Variants in CNOT1 observed in about 807,000 individuals in gnomAD.
The protein encoded by CNOT1 is CCR4-associated factor 1.
A neutral mutation model predicts 273.8 loss-of-function variants in CNOT1; 15 were observed. The observed-to-expected ratio is 0.05, with a 90% CI of 0.04 to 0.08. The LOEUF is 0.08. CNOT1 is among the 10% of genes least tolerant of loss of function. The probability of loss-of-function intolerance (pLI) is 1.00; values close to 1 mark genes in which losing one functional copy is unlikely to be tolerated. For missense variants in CNOT1, 1,644 were observed against 2,912.2 expected, an observed-to-expected ratio of 0.56 and a Z score of 10.02; for synonymous variants, 1,022 against 1,005.5, an observed-to-expected ratio of 1.02 and a Z score of -0.31.
intron 24 of CNOT1, among the ~76,000 whole-genome samples, chr16:58,550,566 G>C (rs1567400995): frequency 6.6e-6 from 1 of 151,830 alleles, no homozygotes; most frequent in Non-Finnish European, 1.5e-5. Context: ...TAAGAATACA[G>C]TATTATATGC....
At chr16:58,580,601 C>G (rs758828321) in intron 12 of CNOT1, 32 bp downstream of exon 12, 1 of 1,592,476 alleles carries the variant, frequency 6.3e-7, no homozygotes, top group Non-Finnish European at 8.5e-7. Flanking sequence ...AAGAAGTAAT[C>G]TTTTAAATGA....
intron 44 of CNOT1, 145 bp downstream of exon 44, chr16:58,528,330 T>TTAA (rs1216441362): frequency 1.5e-6 from 1 of 682,700 alleles, no homozygotes; most frequent in Non-Finnish European, 2.6e-6. Flanking sequence ...TCTATCAGGC[T>TTAA]TAATAACATT....
rs761597923 is a variant in CNOT1, at chr16:58,587,160, TAA to T, written c.433+39_433+40del. 3 of 1,598,390 alleles carry T rather than the reference TAA, an allele frequency of 1.9e-6. No individual in the cohort carries two copies. The African/African-American group carries it at 4.1e-5, about 22-fold the overall frequency. The stretch of plus-strand genomic sequence containing the variant: ...CTCATGATTAAAAACCCACGTATTT[TAA>T]AGTCTCACTTCGTGATATTTTTGGA... On this transcript the variant is annotated intron_variant, in intron 6 of 48. Transcript: ENST00000317147.
chr16:58,603,161 T>C (rs1232761598), intron 1 of CNOT1, among the ~76,000 whole-genome samples: 2 of 152,194 alleles, frequency 1.3e-5, no homozygotes, highest in African/African-American at 4.8e-5. Context: ...GCCCTCTAAC[T>C]TCATCTCCCT....
Position 58,558,486 on chromosome 16 carries a change from T to C in CNOT1, c.2319A>G (p.Ser773=), listed in dbSNP as rs1216974861. The C allele has an allele frequency of 2.5e-6, 4 of 1,613,982 alleles. No individual in the cohort carries two copies. The highest frequency in any genetic ancestry group is 4.5e-5 in the East Asian group (2 of 44,858). Residue 773 remains serine, a synonymous_variant, in exon 18 of 49, where the codon TCA becomes TCG. Transcript: ENST00000317147. ...CCTCCCCCTTACCTGGAAGCTGTGA[T>C]GAAAGTCCTCCAATACCACTGAATG... ...TTAFSGIGGL[S]SQLPVGGLGT... is the part of the protein sequence containing the mutation.
intron 22 of CNOT1, among the ~76,000 whole-genome samples, 187 bp from the exon 23 acceptor site, chr16:58,552,006 T>C (rs942974636): frequency 6.6e-6 from 1 of 152,144 alleles, no homozygotes; most frequent in Admixed American, 6.5e-5. Flanking sequence ...GATAAAATCT[T>C]AGTATTTATG....
At position 58,547,791 on chromosome 16, in the gene CNOT1, T is replaced by G; in HGVS notation, c.3523-109A>C. The stretch of plus-strand genomic sequence containing the variant: ...TATCCTAAAGACAAGTCATCATTTC[T>G]AAGAACAGGCCCCAAAGTAGAATTA... On this transcript the variant is annotated intron_variant, in intron 25 of 48. Transcript: ENST00000317147. The surrounding 1 kb of genome is among the most constrained non-coding windows in gnomAD (Gnocchi z 4.0). 9.4e-7 allele frequency: 1 copy of G among 1,066,836 alleles called. No homozygotes were observed. Among genetic ancestry groups the G allele is most frequent in the Non-Finnish European group, 1.3e-6 (1 of 764,490 alleles). The allele number at this position is 1,066,836 out of a possible 1,614,324, so 66.1% of individuals were successfully genotyped here.
chr16:58,546,278 T>A, intron 29 of CNOT1, 43 bp downstream of exon 29: 1 of 1,512,738 alleles, frequency 6.6e-7, no homozygotes, highest in Non-Finnish European at 9.1e-7. Context: ...TAAGATAGTA[T>A]CCTAGCTAAC....
At chr16:58,601,754 A>AAAAAAAAAAAAAAACT (rs60651934) in intron 1 of CNOT1, among the ~76,000 whole-genome samples, 1 of 132,978 alleles carries the variant, frequency 7.5e-6, no homozygotes, top group Non-Finnish European at 1.6e-5. Context: ...AAAAAAAAAA[A>AAAAAAAAAAAAAAACT]GCCTGTGCAC....
chr16:58,608,056 G>A (rs2042751664), intron 1 of CNOT1, among the ~76,000 whole-genome samples: 1 of 151,638 alleles, frequency 6.6e-6, no homozygotes, highest in Non-Finnish European at 1.5e-5. Flanking sequence ...AGCACCTGTA[G>A]TCCCACCTAC....
chr16:58,527,357 C>A (rs1417730009), intron 44 of CNOT1, among the ~76,000 whole-genome samples: 9 of 140,986 alleles, frequency 6.4e-5, no homozygotes, highest in African/African-American at 2.3e-4. Context: ...CCCGTCACTA[C>A]TAAAAATACA....
chr16:58,527,722 C>G (rs897585078), intron 44 of CNOT1, among the ~76,000 whole-genome samples: 7 of 152,106 alleles, frequency 4.6e-5, no homozygotes, highest in African/African-American at 1.7e-4. Context: ...CTTAAGCATA[C>G]TTAAAATTTG....
intron 16 of CNOT1, among the ~76,000 whole-genome samples, chr16:58,564,165 T>C (rs553824928): frequency 9.2e-5 from 14 of 152,274 alleles, no homozygotes; most frequent in Middle Eastern, 3.4e-3. Flanking sequence ...TTGTTTTTAA[T>C]ATAAGATAAC....
In CNOT1 at chr16:58,521,297, A is replaced by G; in HGVS notation, c.6938T>C (p.Ile2313Thr). 1 of 1,611,950 alleles carries G rather than the reference A, an allele frequency of 6.2e-7. No homozygotes were observed. Among genetic ancestry groups the G allele is most frequent in the Non-Finnish European group, 8.5e-7 (1 of 1,179,544 alleles). ...ACCCCAAGGATGTGGCCTATTTACA[A>G]TCAACCGTTCCAAGAGAACTCTGGA... ...QITRVLLERL[I>T]VNRPHPWGLL... Residue 2313 changes from isoleucine (I) to threonine (T), a missense_variant, in exon 48 of 49, where the codon ATT (isoleucine) becomes ACT (threonine). Physicochemically the swap from Ile to Thr is moderately conservative, Grantham distance 89. This residue lies in a region of CNOT1 where 140 missense variants were observed against 324.6 expected (regional missense o/e 0.43). Transcript: ENST00000317147.
At chr16:58,561,985 G>A (rs914849952) in intron 16 of CNOT1, among the ~76,000 whole-genome samples, 26 of 151,936 alleles carry the variant, frequency 1.7e-4, no homozygotes, top group African/African-American at 6.3e-4. Context: ...GTCAGAAGCT[G>A]AGGTCAGAAG....
chr16:58,562,406 A>G (rs2040884671), intron 16 of CNOT1, among the ~76,000 whole-genome samples: 2 of 151,638 alleles, frequency 1.3e-5, no homozygotes, highest in Non-Finnish European at 1.5e-5. Flanking sequence ...TGGGAGGCTG[A>G]GGCGGGAGGA....
chr16:58,629,583 C>G (rs1280721946), intron 1 of CNOT1, 145 bp downstream of exon 1: 1 of 152,856 alleles, frequency 6.5e-6, no homozygotes, highest in East Asian at 1.9e-4. Context: ...CCCACTTCCC[C>G]GTCCCGGCTG....
intron 1 of CNOT1, among the ~76,000 whole-genome samples, chr16:58,613,499 C>T (rs2042970846): frequency 8.0e-6 from 1 of 124,808 alleles, no homozygotes; most frequent in African/African-American, 2.7e-5. Flanking sequence ...ACTTAGGAGT[C>T]ACCTTTTAAT....
At chr16:58,628,599 T>TAAAAA (rs11394544) in intron 1 of CNOT1, among the ~76,000 whole-genome samples, 1 of 141,118 alleles carries the variant, frequency 7.1e-6, no homozygotes. Context: ...ATCACTGACT[T>TAAAAA]AAAAAAAAAA....
Sources: allele counts gnomAD v4.1 joint callset (sites outside exome capture counted in the v4.1 genomes callset), GRCh38; gene constraint gnomAD v4.1.1; regional missense constraint gnomAD v4.1.1; non-coding constraint Gnocchi (gnomAD v3.1); transcripts MANE v1.5; gene names NCBI Gene and HGNC (gene_info 2026-07-23, HGNC 2026-07-21).